The following GLG1 variants were observed in gnomAD, a reference collection of about 807,000 sequenced individuals.
GLG1 encodes Golgi apparatus protein 1.
GLG1 carries 38 observed loss-of-function variants against 160.5 expected under a neutral mutation model. That is an observed-to-expected ratio of 0.24 (90% CI 0.18 to 0.31). The LOEUF is 0.31. Ranked by LOEUF, GLG1 falls within the 10% of genes least tolerant of loss-of-function variation. The pLI is 1.00. For synonymous variants in GLG1, 644 were observed against 543.4 expected, an observed-to-expected ratio of 1.19 and a Z score of -2.57; for missense variants, 1,373 against 1,505.2, an observed-to-expected ratio of 0.91 and a Z score of 1.45.
intron 4 of GLG1, among the ~76,000 whole-genome samples, chr16:74,497,309 C>G (rs1190424309): frequency 6.7e-6 from 1 of 149,310 alleles, no homozygotes; most frequent in Admixed American, 6.7e-5. Flanking sequence ...CACACACACA[C>G]ACACACAAAA....
At position 74,606,943 on chromosome 16, in the gene GLG1, C is replaced by A. The variant is rs1289839173; in HGVS notation, c.152G>T (p.Gly51Val). The A allele has an allele frequency of 8.1e-6, 13 of 1,608,844 alleles. No homozygotes were observed. In the South Asian group the frequency reaches 1.3e-4, roughly 16 times the overall value. Reference protein sequence around the residue: ...GPGANFVSFVGQAGGGGPAGQ... With the variant: ...GPGANFVSFVVQAGGGGPAGQ... ...CGCCGGGCCGCCGCCTCCGGCCTGC[C>A]CTACGAAGGACACAAAGTTGGCCCC... Residue 51 changes from glycine to valine, a missense_variant, in exon 1 of 26, where the codon GGG (glycine) becomes GTG (valine). Gly to Val is a moderately radical substitution (Grantham distance 109). Transcript: ENST00000422840.
In GLG1 at chr16:74,498,454, A is replaced by AG. The variant is rs1567483142; in HGVS notation, c.775-1811_775-1810insC. Among the ~76,000 whole-genome samples, 5 of 96,246 alleles carry AG rather than the reference A, an allele frequency of 5.2e-5. 1 individual carries two copies. Among genetic ancestry groups the AG allele is most frequent in the South Asian group, 6.6e-4 (2 of 3,022 alleles). The allele number at this position is 96,246 out of a possible 152,430, so 63.1% of individuals were successfully genotyped here. On this transcript the variant is annotated intron_variant, in intron 4 of 25. Transcript: ENST00000422840. ...GTCTCAAAAAAAAAAAAAAGTATAT[A>AG]TATATATATATATTATATTTTATAT...
intron 4 of GLG1, among the ~76,000 whole-genome samples, chr16:74,501,195 G>C (rs572023180): frequency 1.1e-4 from 16 of 152,358 alleles, no homozygotes; most frequent in Non-Finnish European, 1.5e-4. Flanking sequence ...GAGAAGAGCT[G>C]AGAACATGCC....
At chr16:74,588,889 A>G (rs1295413021) in intron 1 of GLG1, among the ~76,000 whole-genome samples, 4 of 152,162 alleles carry the variant, frequency 2.6e-5, no homozygotes, top group Admixed American at 6.6e-5. Context: ...TTGACTAAGA[A>G]TAATCAAATA....
rs2143100784 is a variant in GLG1, at chr16:74,451,933, T to C, written c.*1234A>G. On this transcript the variant is annotated 3_prime_UTR_variant, in exon 26 of 26. Transcript: ENST00000422840. ...TACTAGAGTGGGTACACGCAGCAAA[T>C]GGACAGAAAGAAAAAAAACAGAGCA... 5.3e-6 allele frequency: 4 copies of C among 756,208 alleles called. No individual in the cohort carries two copies. Among genetic ancestry groups the C allele is most frequent in the Non-Finnish European group, 6.9e-6 (3 of 434,362 alleles). The allele number at this position is 756,208 out of a possible 1,614,324, so 46.8% of individuals were successfully genotyped here. A position where few individuals can be genotyped will look rare whatever the true frequency, so the allele number is the denominator to read the frequency against.
intron 24 of GLG1, among the ~76,000 whole-genome samples, chr16:74,457,470 T>C (rs568340349): frequency 1.2e-4 from 19 of 152,272 alleles, no homozygotes; most frequent in African/African-American, 4.3e-4. Flanking sequence ...AAAAGAACTC[T>C]CACACTTGCC....
At chr16:74,498,582 T>TG (rs2143428244) in intron 4 of GLG1, among the ~76,000 whole-genome samples, 1 of 146,952 alleles carries the variant, frequency 6.8e-6, no homozygotes, top group Non-Finnish European at 1.5e-5. Context: ...AAAAAGATTC[T>TG]GGCCAGGCGT....
In GLG1 at chr16:74,469,992, T is replaced by G; in HGVS notation, c.2311A>C (p.Lys771Gln). The change falls in exon 16 of 26, where the codon AAA (lysine) becomes CAA (glutamine). Residue 771 changes from lysine (K) to glutamine (Q), a missense_variant. This residue lies in a region of GLG1 where 491 missense variants were observed against 632.1 expected (regional missense o/e 0.78). Transcript: ENST00000422840. ...CAACTACAAGCTACATACTTCTTTT[T>G]TATGTTTGGGCAAAGCTTCAACACG... ...EDVLKLCPNI[K>Q]KKVDVVICLS... The G allele has an allele frequency of 6.3e-7, 1 of 1,592,004 alleles. No homozygotes were observed. The highest frequency in any genetic ancestry group is 1.7e-4 in the Middle Eastern group (1 of 6,014).
chr16:74,504,551 G>A (rs962709101), intron 3 of GLG1, among the ~76,000 whole-genome samples: 4 of 152,324 alleles, frequency 2.6e-5, no homozygotes, highest in African/African-American at 9.6e-5. Flanking sequence ...GCTTCCCAAA[G>A]TGCTGGGATT....
intron 2 of GLG1, among the ~76,000 whole-genome samples, chr16:74,509,460 T>C (rs1200203203): frequency 6.6e-6 from 1 of 152,000 alleles, no homozygotes; most frequent in Non-Finnish European, 1.5e-5. Context: ...CAGTCTCAGA[T>C]CTCACAATCA....
intron 1 of GLG1, among the ~76,000 whole-genome samples, chr16:74,575,749 C>T (rs1403594203): frequency 6.6e-6 from 1 of 152,114 alleles, no homozygotes; most frequent in East Asian, 1.9e-4. Flanking sequence ...TATTTTTATG[C>T]TGTAAATATA....
chr16:74,570,966 T>C (rs1410812268), intron 1 of GLG1, among the ~76,000 whole-genome samples: 1 of 152,090 alleles, frequency 6.6e-6, no homozygotes, highest in East Asian at 1.9e-4. Context: ...CTTTTTTTTT[T>C]TTTAACCACA....
At chr16:74,595,657 T>C (rs1958282007) in intron 1 of GLG1, among the ~76,000 whole-genome samples, 1 of 152,262 alleles carries the variant, frequency 6.6e-6, no homozygotes. Context: ...ACTTGTATTA[T>C]GGTTTTCAGT....
At position 74,488,288 on chromosome 16, in the gene GLG1, TC is replaced by T. The variant is rs1266313709; in HGVS notation, c.1450-2372del. 2.0e-5 allele frequency among the ~76,000 whole-genome samples: 3 copies of T among 152,006 alleles called. No homozygotes were observed. The East Asian group carries it at 5.8e-4, about 29-fold the overall frequency. ...CAGGAACAGTGGCTCATGCCTGTAA[TC>T]CCAGCAGTTTGGGAGGCCAAAACGG... On this transcript the variant is annotated intron_variant, in intron 8 of 25. Coordinates refer to ENST00000422840, the MANE Select transcript of GLG1 (RefSeq NM_001145667.2).
chr16:74,555,832 T>C (rs528387425), intron 1 of GLG1, among the ~76,000 whole-genome samples: 2 of 150,588 alleles, frequency 1.3e-5, no homozygotes, highest in South Asian at 4.3e-4. Flanking sequence ...AATTCATCTT[T>C]TTTTTTTTCT....
rs928512757 is a variant in GLG1 at position 74,484,460 on chromosome 16, C to T, written c.1571+1336G>A. Among the ~76,000 whole-genome samples the T allele has an allele frequency of 1.1e-4, 16 of 151,974 alleles. 1 individual carries two copies. Among genetic ancestry groups the T allele is most frequent in the Admixed American group, 1.3e-4 (2 of 15,234 alleles). On this transcript the variant is annotated intron_variant, in intron 9 of 25. Transcript: ENST00000422840. ...GGATTACAGGTATGCGCCACCAACA[C>T]CCCACTAATTTTGTATTTTTGGCCG... is the stretch of plus-strand genomic sequence containing the variant.
intron 1 of GLG1, among the ~76,000 whole-genome samples, chr16:74,605,825 G>A (rs778331342): frequency 8.6e-5 from 13 of 151,994 alleles, no homozygotes; most frequent in Admixed American, 2.6e-4. Flanking sequence ...CTACACCTCT[G>A]GAAAAAGTTA....
intron 1 of GLG1, among the ~76,000 whole-genome samples, chr16:74,547,391 A>C (rs2018077926): frequency 6.6e-6 from 1 of 151,944 alleles, no homozygotes; most frequent in African/African-American, 2.4e-5. Flanking sequence ...AGCTTACATA[A>C]GTAATTGCCT....
In GLG1 at chr16:74,467,720, T is replaced by C. The variant is rs190745880; in HGVS notation, c.2529+36A>G. On this transcript the variant is annotated intron_variant, in intron 18 of 25. Transcript: ENST00000422840. ...AAAACATTAAATATTACCTTCACAT[T>C]ACTTTTACAATTACAAAAGAAAAGC... 7.8e-6 allele frequency: 10 copies of C among 1,280,304 alleles called. No individual in the cohort carries two copies. In the Admixed American group the frequency reaches 1.2e-4, roughly 16 times the overall value. The allele number at this position is 1,280,304 out of a possible 1,614,324, so 79.3% of individuals were successfully genotyped here.
Sources: gnomAD v4.1 joint callset for allele counts (sites outside exome capture counted in the v4.1 genomes callset) on GRCh38, gnomAD v4.1.1 for gene constraint, gnomAD v4.1.1 regional missense constraint, MANE v1.5 for transcripts, NCBI Gene and HGNC (gene_info 2026-07-23, HGNC 2026-07-21) for gene names.